The following CASR variants were observed in gnomAD, a reference collection of about 807,000 sequenced individuals.
CASR encodes the protein extracellular calcium-sensing receptor.
A neutral mutation model predicts 69.1 loss-of-function variants in CASR; 23 were observed. That is an observed-to-expected ratio of 0.33 (90% confidence interval 0.24 to 0.47). The LOEUF (loss-of-function observed/expected upper bound fraction) is 0.47, where lower values mean the gene tolerates loss of function less well. Ranked by LOEUF, CASR falls within the 20% of genes least tolerant of loss-of-function variation. The pLI is 1.00. For synonymous variants in CASR, 541 were observed against 544.7 expected (o/e 0.99, Z 0.10); for missense variants, 924 against 1,356.1 (o/e 0.68, Z 5.00).
At chr3:122,235,630 TA>T (rs761022322) in intron 1 of CASR, among the ~76,000 whole-genome samples, 14 of 152,286 alleles carry the variant, frequency 9.2e-5, no homozygotes, top group Middle Eastern at 3.4e-3. Flanking sequence ...GTCCTGTCTC[TA>T]CAAAATTTTT....
Position 122,287,178 on chromosome 3 carries a change from G to C in CASR, c.*1987G>C, listed in dbSNP as rs1282561492. On this transcript the variant is annotated 3_prime_UTR_variant, in exon 7 of 7. Coordinates refer to ENST00000639785, the MANE Select transcript of CASR (RefSeq NM_000388.4). ...TGTGATGGTTTCAAAATAACTATGAGGGAACAGCCTCAACAGAATGTGACA... is the reference window on the plus strand; with the variant it reads ...TGTGATGGTTTCAAAATAACTATGACGGAACAGCCTCAACAGAATGTGACA... 1.3e-5 allele frequency: 2 copies of C among 152,236 alleles called. No homozygotes were observed. The highest frequency in any genetic ancestry group is 3.8e-4 in the East Asian group (2 of 5,204). The allele number at this position is 152,236 out of a possible 1,614,324, so 9.4% of individuals were successfully genotyped here.
intron 1 of CASR, among the ~76,000 whole-genome samples, chr3:122,229,166 A>G (rs184952866): frequency 2.2e-4 from 34 of 152,368 alleles, no homozygotes; most frequent in Admixed American, 1.4e-3. Context: ...ATTTTATTGT[A>G]AACAGTCTTA....
rs756322119 is a variant in CASR, at chr3:122,254,318, A to G, written c.129A>G (p.Gly43=). ...ILGGLFPIHF[G]VAAKDQDLKS... The stretch of plus-strand genomic sequence containing the variant: ...GGGGGCTCTTTCCTATTCATTTTGG[A>G]GTAGCAGCTAAAGATCAAGATCTCA... Residue 43 remains glycine (G), a synonymous_variant, in exon 2 of 7, where the codon GGA becomes GGG. Coordinates refer to ENST00000639785, the MANE Select transcript of CASR (RefSeq NM_000388.4). 1 of 1,614,198 alleles carries G rather than the reference A, an allele frequency of 6.2e-7. No homozygotes were observed. The highest frequency in any genetic ancestry group is 8.5e-7 in the Non-Finnish European group (1 of 1,180,032).
intron 4 of CASR, among the ~76,000 whole-genome samples, chr3:122,269,525 T>A (rs1272859276): frequency 1.3e-5 from 2 of 152,252 alleles, no homozygotes; most frequent in African/African-American, 4.8e-5. Flanking sequence ...AAACCAACCT[T>A]TCGTTCCTGG....
At chr3:122,184,233 G>T in intron 1 of CASR, 1 of 152,918 alleles carries the variant, frequency 6.5e-6, no homozygotes, top group South Asian at 2.0e-4. Context: ...AGCTGGGCTC[G>T]GCAGTTGGGG....
At chr3:122,278,563 G>C (rs1179461635) in intron 5 of CASR, among the ~76,000 whole-genome samples, 1 of 152,236 alleles carries the variant, frequency 6.6e-6, no homozygotes, top group Non-Finnish European at 1.5e-5. Flanking sequence ...TAATAAGACT[G>C]TTGAGGAGGC....
At chr3:122,244,808 G>A (rs1023991061) in intron 1 of CASR, among the ~76,000 whole-genome samples, 41 of 152,228 alleles carry the variant, frequency 2.7e-4, no homozygotes, top group African/African-American at 8.7e-4. Flanking sequence ...AGTAAAAATA[G>A]ATAATAACAA....
At chr3:122,237,647 T>A (rs564257035) in intron 1 of CASR, among the ~76,000 whole-genome samples, 86 of 152,284 alleles carry the variant, frequency 5.6e-4, no homozygotes, top group Middle Eastern at 3.4e-3. Flanking sequence ...ACTCAGAAGA[T>A]TACATATAGT....
At chr3:122,238,370 A>G (rs989173612) in intron 1 of CASR, among the ~76,000 whole-genome samples, 10 of 152,202 alleles carry the variant, frequency 6.6e-5, no homozygotes, top group Admixed American at 5.9e-4. Flanking sequence ...CATTTGGACC[A>G]GCCCTAGCAA....
rs901975388 is a variant in CASR, at chr3:122,286,014, C to T, written c.*823C>T. On this transcript the variant is annotated 3_prime_UTR_variant, in exon 7 of 7. Transcript: ENST00000639785. ...ATTTCCCCACCCCACTATCCTCACT[C>T]CCATAAGCTAAGCCTTATGTGAGCC... is the stretch of plus-strand genomic sequence containing the variant. 4.6e-5 allele frequency: 7 copies of T among 152,670 alleles called. No individual in the cohort carries two copies. The highest frequency in any genetic ancestry group is 1.7e-4 in the African/African-American group (7 of 41,446). 9.5% of individuals were successfully genotyped at this position (152,670 alleles called of 1,614,324 possible). A position where few individuals can be genotyped will look rare whatever the true frequency, so the allele number is the denominator to read the frequency against.
At chr3:122,280,472 C>A (rs1421072787) in intron 5 of CASR, among the ~76,000 whole-genome samples, 1 of 152,088 alleles carries the variant, frequency 6.6e-6, no homozygotes, top group African/African-American at 2.4e-5. Context: ...GAAAACAGGG[C>A]CTTTAGCTTT....
At chr3:122,201,892 A>G (rs1236406084) in intron 1 of CASR, among the ~76,000 whole-genome samples, 1 of 151,110 alleles carries the variant, frequency 6.6e-6, no homozygotes, top group African/African-American at 2.4e-5. Flanking sequence ...CTCACTTCCT[A>G]GATGGGATGG....
At chr3:122,257,439 G>A (rs748838074) in intron 3 of CASR, 52 bp downstream of exon 3, 2 of 1,391,740 alleles carry the variant, frequency 1.4e-6, no homozygotes, top group East Asian at 2.3e-5. Context: ...GAAGAAGCAG[G>A]CTTGGGGGTG....
At chr3:122,282,083 CCACTCA>C in intron 5 of CASR, 24 bp from the exon 6 acceptor site, 1 of 1,614,152 alleles carries the variant, frequency 6.2e-7, no homozygotes, top group South Asian at 1.1e-5. Flanking sequence ...ACAACTACAG[CCACTCA>C]CCTTTGTGCT....
intron 5 of CASR, among the ~76,000 whole-genome samples, chr3:122,278,918 G>A (rs1360680212): frequency 6.6e-6 from 1 of 152,096 alleles, no homozygotes; most frequent in African/African-American, 2.4e-5. Flanking sequence ...TTTAAAAATA[G>A]AACTCTATTT....
At chr3:122,195,625 A>T (rs948693780) in intron 1 of CASR, among the ~76,000 whole-genome samples, 1 of 152,178 alleles carries the variant, frequency 6.6e-6, no homozygotes, top group Non-Finnish European at 1.5e-5. Context: ...GATTTTATAC[A>T]TTGCTTCGTT....
At chr3:122,264,439 A>C (rs2074663593) in intron 4 of CASR, among the ~76,000 whole-genome samples, 1 of 152,240 alleles carries the variant, frequency 6.6e-6, no homozygotes, top group African/African-American at 2.4e-5. Flanking sequence ...GCAGTCCTCC[A>C]GACTACATAG....
intron 1 of CASR, among the ~76,000 whole-genome samples, chr3:122,227,087 C>T (rs2074230604): frequency 6.6e-6 from 1 of 152,250 alleles, no homozygotes; most frequent in Admixed American, 6.5e-5. Context: ...GGTGTACCTA[C>T]AATCCCTTAG....
rs993925299 is a variant in CASR, at chr3:122,275,991, A to G, written c.1557A>G (p.Glu519=). Residue 519 remains glutamate (E), a synonymous_variant, in exon 5 of 7, where the codon GAA becomes GAG. Coordinates refer to ENST00000639785, the MANE Select transcript of CASR (RefSeq NM_000388.4). The part of the protein sequence containing the change: ...GYYNVYAKKG[E]RLFINEEKIL... ...ACAACGTCTATGCCAAGAAGGGAGA[A>G]AGACTCTTCATCAACGAGGAGAAAA... 1.2e-6 allele frequency: 2 copies of G among 1,613,984 alleles called. No homozygotes were observed. Among genetic ancestry groups the G allele is most frequent in the Non-Finnish European group, 1.7e-6 (2 of 1,179,868 alleles).
Sources: gnomAD v4.1 joint callset for allele counts (sites outside exome capture counted in the v4.1 genomes callset) on GRCh38, gnomAD v4.1.1 for gene constraint, MANE v1.5 for transcripts, NCBI Gene and HGNC (gene_info 2026-07-23, HGNC 2026-07-21) for gene names.